The following PCNP variants were observed in gnomAD, a reference collection of about 807,000 sequenced individuals.
PCNP encodes PEST proteolytic signal containing nuclear protein, also known as PEST proteolytic signal-containing nuclear protein.
PCNP carries 6 observed loss-of-function variants against 21.8 expected under a neutral mutation model. The ratio of observed to expected loss-of-function variants is 0.28; its 90% CI spans 0.15 to 0.54. PCNP has a LOEUF of 0.54. Among genes scored for constraint, PCNP ranks in the 20% least tolerant of loss-of-function variants. The pLI is 0.95. For missense variants in PCNP, 161 were observed against 215.5 expected, an observed-to-expected ratio of 0.75 and a Z score of 1.58; for synonymous variants, 67 against 73.2, an observed-to-expected ratio of 0.92 and a Z score of 0.43.
intron 3 of PCNP, among the ~76,000 whole-genome samples, chr3:101,587,772 G>A (rs1935608551): frequency 6.6e-6 from 1 of 152,014 alleles, no homozygotes; most frequent in Non-Finnish European, 1.5e-5. Flanking sequence ...GGTACCATTT[G>A]ATTCAGCCTA....
rs554825085 is a variant in PCNP, at chr3:101,579,450, TTAGA to T, written c.65-334_65-331del. On this transcript the variant is annotated intron_variant, in intron 1 of 4. Coordinates refer to ENST00000265260, the MANE Select transcript of PCNP (RefSeq NM_020357.3). Reference sequence around the variant, plus strand: ...CACAAACTACTAAGTGTAAAAGATGTTAGATAGATCTGATTTCTAAAAAGCAAAA... The same window carrying T: ...CACAAACTACTAAGTGTAAAAGATGTTAGATCTGATTTCTAAAAAGCAAAA... The T allele has an allele frequency of 3.3e-4, 143 of 427,312 alleles. 3 individuals carry two copies. The highest frequency in any genetic ancestry group is 1.6e-3 in the Middle Eastern group (2 of 1,288). 26.5% of individuals were successfully genotyped at this position (427,312 alleles called of 1,614,324 possible). A position where few individuals can be genotyped will look rare whatever the true frequency, so the allele number is the denominator to read the frequency against.
chr3:101,592,534 A>G, intron 4 of PCNP, 93 bp from the exon 5 acceptor site: 1 of 963,888 alleles, frequency 1.0e-6, no homozygotes, highest in Non-Finnish European at 1.5e-6. Context: ...TGTTTATAAT[A>G]GGTGCTAAAC....
chr3:101,584,973 C>A (rs573229005), intron 2 of PCNP, among the ~76,000 whole-genome samples: 11 of 152,302 alleles, frequency 7.2e-5, no homozygotes, highest in African/African-American at 1.7e-4. Context: ...CGCTGCACTC[C>A]AGCCTGGGCG....
chr3:101,575,180 G>A (rs1326127500), intron 1 of PCNP, among the ~76,000 whole-genome samples: 1 of 152,146 alleles, frequency 6.6e-6, no homozygotes, highest in African/African-American at 2.4e-5. Context: ...CTTAACACGT[G>A]CGAGCTGTTT....
intron 2 of PCNP, among the ~76,000 whole-genome samples, chr3:101,581,324 G>A (rs1307183151): frequency 6.6e-6 from 1 of 151,970 alleles, no homozygotes; most frequent in Non-Finnish European, 1.5e-5. Context: ...ATTCTCAGGT[G>A]TACTTCTACT....
At chr3:101,576,441 T>G in intron 1 of PCNP, 1 of 1,305,530 alleles carries the variant, frequency 7.7e-7, no homozygotes, top group Non-Finnish European at 1.0e-6. Context: ...ATTTTTTATT[T>G]TTTTCATAGG....
In PCNP at chr3:101,594,263, T is replaced by C. The variant is rs1935952009; in HGVS notation, c.*1510T>C. On this transcript the variant is annotated 3_prime_UTR_variant, in exon 5 of 5. Transcript: ENST00000265260. ...ATCGATACATGAATTTAACTTACTTTAATGTAGGCAAACTATCAATTTTTT... is the reference window on the plus strand; with the variant it reads ...ATCGATACATGAATTTAACTTACTTCAATGTAGGCAAACTATCAATTTTTT... 2 of 152,636 alleles carry C rather than the reference T, an allele frequency of 1.3e-5. No homozygotes were observed. Among genetic ancestry groups the C allele is most frequent in the African/African-American group, 4.8e-5 (2 of 41,470 alleles). The allele number at this position is 152,636 out of a possible 1,614,324, so 9.5% of individuals were successfully genotyped here. A position where few individuals can be genotyped will look rare whatever the true frequency, so the allele number is the denominator to read the frequency against.
Position 101,579,989 on chromosome 3 carries a change from C to T in PCNP, c.264C>T (p.Ile88=), listed in dbSNP as rs1483879928. 1.9e-6 allele frequency: 3 copies of T among 1,612,346 alleles called. 1 individual carries two copies. Among genetic ancestry groups the T allele is most frequent in the South Asian group, 2.2e-5 (2 of 91,056 alleles). ...CAAAGAAAGCATCAGCCATATCCATCAAACTTGGATCAAGTGTGAGTTGTT... is the reference window on the plus strand; with the variant it reads ...CAAAGAAAGCATCAGCCATATCCATTAAACTTGGATCAAGTGTGAGTTGTT... The part of the protein sequence containing the change: ...QTTKKASAIS[I]KLGSSKPKET... The change falls in exon 2 of 5, where the codon ATC becomes ATT. Residue 88 remains isoleucine (I), a synonymous_variant. Coordinates refer to ENST00000265260, the MANE Select transcript of PCNP (RefSeq NM_020357.3).
At chr3:101,590,473 A>G (rs1028271980) in intron 4 of PCNP, among the ~76,000 whole-genome samples, 8 of 152,222 alleles carry the variant, frequency 5.3e-5, no homozygotes, top group African/African-American at 1.9e-4. Context: ...AAAGATAACT[A>G]ATTATTCTGT....
chr3:101,588,198 G>T (rs141677339), intron 3 of PCNP, among the ~76,000 whole-genome samples: 3,534 of 152,278 alleles, frequency 0.023, 55 homozygotes, highest in Non-Finnish European at 0.038. Flanking sequence ...TTGAACCCGG[G>T]GGGTGGAGGT....
chr3:101,582,484 A>T (rs547224895), intron 2 of PCNP, among the ~76,000 whole-genome samples: 2 of 152,268 alleles, frequency 1.3e-5, no homozygotes, highest in South Asian at 4.1e-4. Flanking sequence ...ACACAGTCTT[A>T]TTGGGAGGGT....
chr3:101,589,535 T>G (rs1042562788), intron 3 of PCNP, among the ~76,000 whole-genome samples: 10 of 151,932 alleles, frequency 6.6e-5, no homozygotes, highest in Non-Finnish European at 1.2e-4. Flanking sequence ...CTCAGCCTCC[T>G]GAGTAGCTGG....
chr3:101,593,581 A>G lies in PCNP; in HGVS notation c.*828A>G, dbSNP rs930394173. 6.6e-6 allele frequency: 1 copy of G among 152,600 alleles called. No individual in the cohort carries two copies. Among genetic ancestry groups the G allele is most frequent in the African/African-American group, 2.4e-5 (1 of 41,446 alleles). The allele number at this position is 152,600 out of a possible 1,614,324, so 9.5% of individuals were successfully genotyped here. ...ACCACCACCAAAAATTTAAATGTACATATTGCTTAAGTATTTGGCTGTTTT... is the reference window on the plus strand; with the variant it reads ...ACCACCACCAAAAATTTAAATGTACGTATTGCTTAAGTATTTGGCTGTTTT... On this transcript the variant is annotated 3_prime_UTR_variant, in exon 5 of 5. Transcript: ENST00000265260.
intron 2 of PCNP, among the ~76,000 whole-genome samples, chr3:101,582,282 A>G (rs1444280005): frequency 2.6e-5 from 4 of 152,002 alleles, no homozygotes; most frequent in East Asian, 3.9e-4. Flanking sequence ...GTGAAACTCC[A>G]TCTCTACTAA....
At chr3:101,586,246 C>G (rs963076425) in intron 3 of PCNP, among the ~76,000 whole-genome samples, 1 of 149,792 alleles carries the variant, frequency 6.7e-6, no homozygotes, top group Non-Finnish European at 1.5e-5. Context: ...GATAACAATT[C>G]AATAGTGCTG....
intron 4 of PCNP, among the ~76,000 whole-genome samples, chr3:101,591,513 G>A (rs77101480): frequency 2.6e-5 from 4 of 152,266 alleles, no homozygotes; most frequent in Admixed American, 6.5e-5. Flanking sequence ...CATACTGAGC[G>A]TAAAGTAGGA....
chr3:101,590,150 A>G lies in PCNP; in HGVS notation c.355-65A>G. On this transcript the variant is annotated intron_variant, in intron 3 of 4. Coordinates refer to ENST00000265260, the MANE Select transcript of PCNP (RefSeq NM_020357.3). ...AAGACTTAGATATAAAATTTAGCGT[A>G]TTAGTAATCAGGAATTGAATAAGTT... 2.4e-6 allele frequency: 2 copies of G among 840,948 alleles called. 1 individual carries two copies. Among genetic ancestry groups the G allele is most frequent in the African/African-American group, 3.4e-5 (2 of 58,458 alleles). 52.1% of individuals were successfully genotyped at this position (840,948 alleles called of 1,614,324 possible). A position where few individuals can be genotyped will look rare whatever the true frequency, so the allele number is the denominator to read the frequency against.
intron 3 of PCNP, among the ~76,000 whole-genome samples, chr3:101,589,543 T>G (rs1190573846): frequency 6.6e-6 from 1 of 152,088 alleles, no homozygotes; most frequent in Non-Finnish European, 1.5e-5. Flanking sequence ...CCTGAGTAGC[T>G]GGGATTACAG....
intron 2 of PCNP, among the ~76,000 whole-genome samples, chr3:101,583,883 G>A (rs1365613550): frequency 3.4e-4 from 1 of 2,930 alleles, no homozygotes; most frequent in African/African-American, 4.3e-4. Flanking sequence ...GGCTGGTCTC[G>A]GAACTCCTGA....
Sources: allele counts gnomAD v4.1 joint callset (sites outside exome capture counted in the v4.1 genomes callset), GRCh38; gene constraint gnomAD v4.1.1; transcripts MANE v1.5; gene names NCBI Gene and HGNC (gene_info 2026-07-23, HGNC 2026-07-21).